The following MACROD2 variants were observed in gnomAD, a reference collection of about 807,000 sequenced individuals.
MACROD2 encodes mono-ADP ribosylhydrolase 2.
MACROD2 carries 36 observed loss-of-function variants against 70.4 expected under a neutral mutation model. That is an observed-to-expected ratio of 0.51 (90% confidence interval 0.39 to 0.68). The LOEUF (loss-of-function observed/expected upper bound fraction) is 0.68. MACROD2 is among the 30% of genes least tolerant of loss of function. MACROD2 has a pLI of 0.00. For synonymous variants in MACROD2, 172 were observed against 178.8 expected, an observed-to-expected ratio of 0.96 and a Z score of 0.30; for missense variants, 496 against 538.4, an observed-to-expected ratio of 0.92 and a Z score of 0.78.
chr20:14,200,789 T>C (rs1315434880), intron 3 of MACROD2, among the ~76,000 whole-genome samples: 9 of 152,228 alleles, frequency 5.9e-5, no homozygotes, highest in Admixed American at 5.9e-4. Context: ...GGATTTCTTT[T>C]ACCTTTGTTG....
chr20:15,137,801 T>C (rs2123296720), intron 5 of MACROD2, among the ~76,000 whole-genome samples: 1 of 152,202 alleles, frequency 6.6e-6, no homozygotes, highest in Non-Finnish European at 1.5e-5. Context: ...ATTGCTACAT[T>C]AATCAATCTT....
At chr20:15,023,840 A>G (rs1247558284) in intron 5 of MACROD2, among the ~76,000 whole-genome samples, 1 of 152,168 alleles carries the variant, frequency 6.6e-6, no homozygotes, top group Admixed American at 6.6e-5. Context: ...GTATCACCCA[A>G]GGAACACATC....
chr20:15,106,863 C>T lies in MACROD2; in HGVS notation c.419-123077C>T, dbSNP rs572984177. On this transcript the variant is annotated intron_variant, in intron 5 of 17. Coordinates refer to ENST00000684519, the MANE Select transcript of MACROD2 (RefSeq NM_001351661.2). ...CCATAGATATTTGGTATAGCAACAG[C>T]ATTGAACATTTAACCACTGGTAAAA... 6.6e-5 allele frequency among the ~76,000 whole-genome samples: 10 copies of T among 151,694 alleles called. No individual in the cohort carries two copies. The South Asian group carries it at 2.1e-3, about 32-fold the overall frequency.
chr20:15,080,232 G>A (rs2075693049), intron 5 of MACROD2, among the ~76,000 whole-genome samples: 1 of 152,066 alleles, frequency 6.6e-6, no homozygotes, highest in Non-Finnish European at 1.5e-5. Context: ...CAAAAGACAT[G>A]TCTTTGTGAT....
At chr20:14,993,256 C>A (rs2074921049) in intron 5 of MACROD2, among the ~76,000 whole-genome samples, 1 of 149,114 alleles carries the variant, frequency 6.7e-6, no homozygotes, top group Non-Finnish European at 1.5e-5. Flanking sequence ...ATGTTATCTG[C>A]TATGGTTACT....
intron 6 of MACROD2, among the ~76,000 whole-genome samples, chr20:15,259,474 G>T (rs73101220): frequency 0.01 from 1,593 of 152,126 alleles, 13 homozygotes; most frequent in Middle Eastern, 0.024. Flanking sequence ...GTTTATGAGA[G>T]ACATTACTTT....
chr20:15,354,672 G>T lies in MACROD2; in HGVS notation c.541-76733G>T, dbSNP rs955599983. On this transcript the variant is annotated intron_variant, in intron 6 of 17. Transcript: ENST00000684519. ...AAAAAGAAAAAGTTTTAGGCATAAAGACATACAATTTAAATACAAAAATAT... is the reference window on the plus strand; with the variant it reads ...AAAAAGAAAAAGTTTTAGGCATAAATACATACAATTTAAATACAAAAATAT... Among the ~76,000 whole-genome samples the T allele has an allele frequency of 4.6e-5, 7 of 152,086 alleles. 1 individual carries two copies. The highest frequency in any genetic ancestry group is 3.9e-4 in the Admixed American group (6 of 15,252).
intron 8 of MACROD2, among the ~76,000 whole-genome samples, chr20:15,768,862 A>C (rs975118627): frequency 1.3e-5 from 2 of 152,164 alleles, no homozygotes; most frequent in Non-Finnish European, 2.9e-5. Context: ...AACTAAAACA[A>C]AAATACACAC....
At chr20:14,256,503 T>C (rs1426419854) in intron 3 of MACROD2, among the ~76,000 whole-genome samples, 1 of 152,182 alleles carries the variant, frequency 6.6e-6, no homozygotes, top group Non-Finnish European at 1.5e-5. Flanking sequence ...AAACATGTTA[T>C]ATTCCCTTAG....
At chr20:14,850,055 G>C (rs756045370) in intron 5 of MACROD2, 1 of 486,856 alleles carries the variant, frequency 2.1e-6, no homozygotes, top group Non-Finnish European at 4.0e-6. Flanking sequence ...AGATCACAAT[G>C]ACTTAATGAA....
intron 6 of MACROD2, among the ~76,000 whole-genome samples, chr20:15,417,026 C>T (rs960377159): frequency 1.3e-5 from 2 of 152,162 alleles, no homozygotes; most frequent in Non-Finnish European, 2.9e-5. Flanking sequence ...GTTGAGAGAA[C>T]ATGCCGACAC....
chr20:14,233,980 A>G (rs1601382953), intron 3 of MACROD2, among the ~76,000 whole-genome samples: 1 of 152,174 alleles, frequency 6.6e-6, no homozygotes, highest in African/African-American at 2.4e-5. Flanking sequence ...AAAGGTAAAT[A>G]TATGATATTA....
At chr20:15,620,491 C>T (rs1401726497) in intron 8 of MACROD2, among the ~76,000 whole-genome samples, 1 of 152,104 alleles carries the variant, frequency 6.6e-6, no homozygotes, top group Non-Finnish European at 1.5e-5. Flanking sequence ...TGTAATGGCT[C>T]CTACCTCAGG....
intron 4 of MACROD2, among the ~76,000 whole-genome samples, chr20:14,561,087 A>G (rs990528099): frequency 1.3e-5 from 2 of 151,736 alleles, no homozygotes; most frequent in Non-Finnish European, 2.9e-5. Context: ...TGACACCTAG[A>G]CTCTGGGAGA....
At chr20:14,308,826 A>G (rs1005561637) in intron 3 of MACROD2, among the ~76,000 whole-genome samples, 2 of 152,136 alleles carry the variant, frequency 1.3e-5, no homozygotes, top group Non-Finnish European at 2.9e-5. Flanking sequence ...TAAAGAGAGA[A>G]TAGGAAAGAA....
chr20:15,597,895 A>C (rs948935825), intron 8 of MACROD2, among the ~76,000 whole-genome samples: 1 of 152,190 alleles, frequency 6.6e-6, no homozygotes, highest in African/African-American at 2.4e-5. Context: ...CCTGGCCAAC[A>C]TGGCAAAAAC....
rs71190190 is a variant in MACROD2 at position 15,560,762 on chromosome 20, C to CAAA, written c.645+60942_645+60944dup. On this transcript the variant is annotated intron_variant, in intron 8 of 17. Coordinates refer to ENST00000684519, the MANE Select transcript of MACROD2 (RefSeq NM_001351661.2). ...TGGGCCACAGGGCATAACAAAGTCTCAAAAAAAAAAAAAAAAAAAAAAAAA... is the reference window on the plus strand; with the variant it reads ...TGGGCCACAGGGCATAACAAAGTCTCAAAAAAAAAAAAAAAAAAAAAAAAAAAA... 4.1e-4 allele frequency among the ~76,000 whole-genome samples: 9 copies of CAAA among 22,072 alleles called. 1 individual carries two copies. The highest frequency in any genetic ancestry group is 6.7e-4 in the Non-Finnish European group (7 of 10,430). The allele number at this position is 22,072 out of a possible 152,430, so 14.5% of individuals were successfully genotyped here.
At chr20:14,615,393 A>G (rs1411314883) in intron 4 of MACROD2, among the ~76,000 whole-genome samples, 1 of 152,164 alleles carries the variant, frequency 6.6e-6, no homozygotes, top group Non-Finnish European at 1.5e-5. Context: ...ACGAACAAAA[A>G]AAATTATCCT....
At chr20:14,061,904 C>T (rs1268943705) in intron 2 of MACROD2, among the ~76,000 whole-genome samples, 2 of 152,070 alleles carry the variant, frequency 1.3e-5, no homozygotes, top group Non-Finnish European at 2.9e-5. Flanking sequence ...GAGGAGTGGT[C>T]CTCCAACTTT....
Sources: allele counts gnomAD v4.1 joint callset (sites outside exome capture counted in the v4.1 genomes callset), GRCh38; gene constraint gnomAD v4.1.1; transcripts MANE v1.5; gene names NCBI Gene and HGNC (gene_info 2026-07-23, HGNC 2026-07-21).